The following ZFHX3 variants were observed in gnomAD, a reference collection of about 807,000 sequenced individuals.
ZFHX3 encodes the protein zinc finger homeobox 3.
ZFHX3 carries 42 observed loss-of-function variants against 279.1 expected under a neutral mutation model. The ratio of observed to expected loss-of-function variants is 0.15; its 90% CI spans 0.12 to 0.19. ZFHX3 has a LOEUF of 0.19. ZFHX3 is among the 10% of genes least tolerant of loss of function. The pLI, the probability that ZFHX3 is intolerant of heterozygous loss-of-function variation, is 1.00. For missense variants in ZFHX3, 4,981 were observed against 4,754.0 expected (o/e 1.05, Z -1.40); for synonymous variants, 2,293 against 1,957.8 (o/e 1.17, Z -4.52).
At chr16:73,000,087 G>GA (rs1963438975) in intron 1 of ZFHX3, among the ~76,000 whole-genome samples, 2 of 152,220 alleles carry the variant, frequency 1.3e-5, no homozygotes, top group South Asian at 4.1e-4. Context: ...TCCGAACCTA[G>GA]AAATGCAGAG....
chr16:73,437,615 T>G (rs1015264606), intron 3 of ZFHX3, among the ~76,000 whole-genome samples: 7 of 152,200 alleles, frequency 4.6e-5, no homozygotes, highest in Admixed American at 1.3e-4. Flanking sequence ...TAGAAGACAT[T>G]TCCCCCCATT....
At chr16:72,862,679 T>C (rs576422619) in intron 4 of ZFHX3, among the ~76,000 whole-genome samples, 25 of 152,276 alleles carry the variant, frequency 1.6e-4, no homozygotes, top group Admixed American at 4.6e-4. Context: ...TGAGATCAAG[T>C]GTCTAGATTT....
At chr16:73,258,358 T>TATATATATATATATATATATATATATA (rs1567432751) in intron 4 of ZFHX3, among the ~76,000 whole-genome samples, 2 of 150,834 alleles carry the variant, frequency 1.3e-5, no homozygotes, top group Admixed American at 6.6e-5. Flanking sequence ...TATATATATA[T>TATATATATATATATATATATATATATA]TTGTTTTCTG....
At position 72,958,309 on chromosome 16, in the gene ZFHX3, C is replaced by T. The variant is rs761739295; in HGVS notation, c.1837G>A (p.Asp613Asn). 8 of 1,614,050 alleles carry T rather than the reference C, an allele frequency of 5.0e-6. No homozygotes were observed. The highest frequency in any genetic ancestry group is 2.2e-5 in the East Asian group (1 of 44,866). Residue 613 changes from aspartate to asparagine, a missense_variant, in exon 2 of 10, where the codon GAT becomes AAT. Physicochemically the swap from Asp to Asn is conservative, Grantham distance 23 (BLOSUM62 1). Around this residue, in one of 7 missense-constraint regions of ZFHX3, gnomAD observed 1,068 missense variants for 935.2 expected, o/e 1.14. Transcript: ENST00000268489. ...PEPNESTEGD[D>N]GGFVPHHQHA... ...TGGTGATGGGGAACGAAGCCCCCAT[C>T]GTCACCCTCTGTGCTTTCATTTGGT...
intron 2 of ZFHX3, among the ~76,000 whole-genome samples, chr16:73,623,734 G>A (rs980579928): frequency 6.6e-6 from 1 of 152,140 alleles, no homozygotes; most frequent in Non-Finnish European, 1.5e-5. Context: ...AATGAAAATG[G>A]GGAGGGGAAA....
chr16:73,282,807 T>A lies in ZFHX3; in HGVS notation c.-1193-25671A>T, dbSNP rs528265546. Among the ~76,000 whole-genome samples, 3 of 152,358 alleles carry A rather than the reference T, an allele frequency of 2.0e-5. No homozygotes were observed. In the South Asian group the frequency reaches 6.2e-4, roughly 32 times the overall value. ...GTATGTTATTTCATTAACAACATGA[T>A]GCGGTTGCATAAAATTGTCTTCCTT... is the stretch of plus-strand genomic sequence containing the variant. On this transcript the variant is annotated intron_variant, in intron 4 of 17. Coordinates refer to the ZFHX3 transcript ENST00000641206.
intron 3 of ZFHX3, among the ~76,000 whole-genome samples, chr16:73,444,582 G>A (rs4888304): frequency 0.75 from 113,712 of 152,166 alleles, 43,059 homozygotes; most frequent in Non-Finnish European, 0.83. Context: ...TCCTTCTAAT[G>A]TTAAAATCAG....
chr16:73,770,903 G>A (rs190206454), intron 1 of ZFHX3, among the ~76,000 whole-genome samples: 57 of 152,238 alleles, frequency 3.7e-4, no homozygotes, highest in Non-Finnish European at 5.3e-4. Flanking sequence ...TGTGTTAGAC[G>A]GATGGATGGA....
chr16:73,112,304 A>G (rs1459558525), intron 7 of ZFHX3, among the ~76,000 whole-genome samples: 1 of 152,100 alleles, frequency 6.6e-6, no homozygotes, highest in African/African-American at 2.4e-5. Context: ...ATAGGAAGAC[A>G]GAGAAAAACG....
chr16:72,799,208 A>G (rs990356304), intron 8 of ZFHX3, among the ~76,000 whole-genome samples: 10 of 152,250 alleles, frequency 6.6e-5, no homozygotes, highest in Non-Finnish European at 1.0e-4. Context: ...ATCGTAATAT[A>G]AGAAATTTGG....
At chr16:73,046,395 T>C (rs1965305003) in intron 1 of ZFHX3, among the ~76,000 whole-genome samples, 1 of 152,160 alleles carries the variant, frequency 6.6e-6, no homozygotes, top group African/African-American at 2.4e-5. Flanking sequence ...CTTGATCAGG[T>C]TACCTTGGAA....
At position 73,408,872 on chromosome 16, in the gene ZFHX3, A is replaced by C. The variant is rs145729698; in HGVS notation, c.-1291+47131T>G. On this transcript the variant is annotated intron_variant, in intron 3 of 17. Coordinates refer to the ZFHX3 transcript ENST00000641206. ...CATCAAATTCCAGCGAGGCAACCGAAGTTGTCCTCATCTTCCAGACCTGCT... is the reference window on the plus strand; with the variant it reads ...CATCAAATTCCAGCGAGGCAACCGACGTTGTCCTCATCTTCCAGACCTGCT... Among the ~76,000 whole-genome samples, 349 of 152,158 alleles carry C rather than the reference A, an allele frequency of 2.3e-3. 1 individual carries two copies. Among genetic ancestry groups the C allele is most frequent in the Non-Finnish European group, 4.2e-3 (287 of 67,978 alleles).
chr16:73,578,461 G>T (rs2051824134), intron 2 of ZFHX3, among the ~76,000 whole-genome samples: 1 of 151,808 alleles, frequency 6.6e-6, no homozygotes, highest in Admixed American at 6.6e-5. Flanking sequence ...TCAGTTGTTT[G>T]GTTCCTAGTT....
chr16:73,144,871 G>A (rs1966856720), intron 5 of ZFHX3, among the ~76,000 whole-genome samples: 1 of 152,052 alleles, frequency 6.6e-6, no homozygotes. Flanking sequence ...TGACATTCCT[G>A]GGATAATCCA....
intron 5 of ZFHX3, among the ~76,000 whole-genome samples, chr16:73,176,426 A>C (rs74028076): frequency 0.013 from 2,010 of 152,042 alleles, 45 homozygotes; most frequent in African/African-American, 0.045. Flanking sequence ...GTTCCTTATC[A>C]CCTCCCTTTA....
chr16:72,820,924 C>T (rs748744205), intron 5 of ZFHX3, among the ~76,000 whole-genome samples: 15 of 152,162 alleles, frequency 9.9e-5, no homozygotes, highest in Non-Finnish European at 2.2e-4. Flanking sequence ...GCCATTCAGT[C>T]TCCACCGAGT....
intron 1 of ZFHX3, among the ~76,000 whole-genome samples, chr16:73,744,594 T>C (rs2053687414): frequency 6.6e-6 from 1 of 152,180 alleles, no homozygotes; most frequent in Non-Finnish European, 1.5e-5. Context: ...TTTTCCTCAT[T>C]CTACTTTATT....
chr16:73,854,003 A>T (rs1032304467), intron 1 of ZFHX3, among the ~76,000 whole-genome samples: 5 of 152,340 alleles, frequency 3.3e-5, no homozygotes, highest in Admixed American at 2.6e-4. Flanking sequence ...ACTGAAGGTT[A>T]GACTCTTGCA....
At chr16:73,749,501 T>C (rs2053738815) in intron 1 of ZFHX3, among the ~76,000 whole-genome samples, 1 of 152,212 alleles carries the variant, frequency 6.6e-6, no homozygotes, top group African/African-American at 2.4e-5. Flanking sequence ...CAGGAAGCCT[T>C]TTGAAGGCAG....
Sources: gnomAD v4.1 joint callset for allele counts (sites outside exome capture counted in the v4.1 genomes callset) on GRCh38, gnomAD v4.1.1 for gene constraint, gnomAD v4.1.1 regional missense constraint, MANE v1.5 for transcripts, NCBI Gene and HGNC (gene_info 2026-07-23, HGNC 2026-07-21) for gene names.